Variants in NUCB2 observed in about 807,000 individuals in gnomAD.
The protein encoded by NUCB2 is nucleobindin-2.
In NUCB2, 48 loss-of-function variants were observed where a neutral mutation model predicts 57.9. That is an observed-to-expected ratio of 0.83 (90% CI 0.66 to 1.05). NUCB2 has a LOEUF of 1.05. Among genes scored for constraint, NUCB2 ranks in the 50% least tolerant of loss-of-function variants. The pLI, the probability that NUCB2 is intolerant of heterozygous loss-of-function variation, is 0.00. For synonymous variants in NUCB2, 139 were observed against 152.1 expected (o/e 0.91, Z 0.64); for missense variants, 442 against 476.2 (o/e 0.93, Z 0.67).
At chr11:17,307,215 T>C (rs1420398703) in intron 5 of NUCB2, among the ~76,000 whole-genome samples, 2 of 151,898 alleles carry the variant, frequency 1.3e-5, no homozygotes, top group African/African-American at 4.8e-5. Flanking sequence ...ATTCACGTGG[T>C]TCAAATGTAG....
rs993422045 is a variant in NUCB2, at chr11:17,313,227, G to T, written c.912+1107G>T. Among the ~76,000 whole-genome samples, 10 of 151,910 alleles carry T rather than the reference G, an allele frequency of 6.6e-5. 1 individual carries two copies. The highest frequency in any genetic ancestry group is 4.6e-4 in the Admixed American group (7 of 15,232). ...AAGATAAAGATGCTACTGCATATCAGGTATAAAACTTTTTTTTTTGGGCTG... is the reference window on the plus strand; with the variant it reads ...AAGATAAAGATGCTACTGCATATCATGTATAAAACTTTTTTTTTTGGGCTG... On this transcript the variant is annotated intron_variant, in intron 10 of 13. Transcript: ENST00000529010.
downstream of NUCB2, chr11:17,333,071 T>C (rs557449687): frequency 4.6e-5 from 7 of 152,266 alleles, no homozygotes; most frequent in South Asian, 1.5e-3. Context: ...CACTGATCCA[T>C]AGCAATTTGA....
intron 11 of NUCB2, among the ~76,000 whole-genome samples, chr11:17,326,721 TAAGTC>T (rs2139371543): frequency 6.6e-6 from 1 of 152,312 alleles, no homozygotes; most frequent in Admixed American, 6.5e-5. Flanking sequence ...GTCTTTTACT[TAAGTC>T]AAGAGAAGTT....
Position 17,330,096 on chromosome 11 carries a change from G to A in NUCB2, c.1003-31G>A. On this transcript the variant is annotated intron_variant, in intron 11 of 13. Transcript: ENST00000529010. This position sits in a 1 kb window ranked among gnomAD's most constrained non-coding sequence, Gnocchi z 4.3. ...TCAGACTTTATTGTTGTAGTTTTGA[G>A]ATTATTCTTTCCTCATTTTTTTTCT... 3.3e-6 allele frequency: 4 copies of A among 1,219,152 alleles called. No homozygotes were observed. The highest frequency in any genetic ancestry group is 4.6e-6 in the Non-Finnish European group (4 of 872,302). 75.5% of individuals were successfully genotyped at this position (1,219,152 alleles called of 1,614,324 possible). A position where few individuals can be genotyped will look rare whatever the true frequency, so the allele number is the denominator to read the frequency against.
In NUCB2 at chr11:17,285,921, G is replaced by A. The variant is rs533612193; in HGVS notation, c.-1+2978G>A. 4.9e-5 allele frequency among the ~76,000 whole-genome samples: 7 copies of A among 141,782 alleles called. No individual in the cohort carries two copies. The East Asian group carries it at 6.2e-4, about 13-fold the overall frequency. The allele number at this position is 141,782 out of a possible 152,430, so 93.0% of individuals were successfully genotyped here. A position where few individuals can be genotyped will look rare whatever the true frequency, so the allele number is the denominator to read the frequency against. ...ACAGGAAACCATCACACATACATGC[G>A]CGCACGTGTGCGTACACACACACAC... On this transcript the variant is annotated intron_variant, in intron 2 of 13. Transcript: ENST00000529010.
At chr11:17,343,706 G>A (rs1952482169) in intron 2 of NUCB2, among the ~76,000 whole-genome samples, 2 of 152,048 alleles carry the variant, frequency 1.3e-5, no homozygotes, top group South Asian at 4.1e-4. Flanking sequence ...GTCCTTTAAT[G>A]TTTTAAACAG....
intron 2 of NUCB2, among the ~76,000 whole-genome samples, chr11:17,342,471 C>T (rs546214966): frequency 1.3e-5 from 2 of 151,900 alleles, no homozygotes; most frequent in South Asian, 4.2e-4. Flanking sequence ...TTTCCCTCTA[C>T]ACACTGCTTT....
chr11:17,286,832 T>C (rs1943820336), intron 2 of NUCB2: 2 of 152,226 alleles, frequency 1.3e-5, no homozygotes, highest in South Asian at 2.1e-4. Context: ...TTTGCTGTTA[T>C]TCCTTTAATG....
rs760908908 is a variant in NUCB2, at chr11:17,315,406, AT to A, written c.935del (p.Leu312TrpfsTer2). 1 of 1,608,602 alleles carries A rather than the reference AT, an allele frequency of 6.2e-7. No homozygotes were observed. The highest frequency in any genetic ancestry group is 8.5e-7 in the Non-Finnish European group (1 of 1,175,896). On this transcript the variant is annotated frameshift_variant, in exon 11 of 14. Transcript: ENST00000529010. LOFTEE classifies it high-confidence loss of function. ...MNEVDTNKDR[L>X]VTLEEFLKAT... ...ATCAGGTTGATACTAACAAAGACAG[AT>A]TGGTGACTCTGGAGGAGTTTTTGAA...
chr11:17,315,311 A>G, intron 10 of NUCB2, 75 bp from the exon 11 acceptor site: 1 of 727,138 alleles, frequency 1.4e-6, no homozygotes, highest in Admixed American at 2.7e-5. Flanking sequence ...GGCATCTATT[A>G]CAAGACAGTT....
At chr11:17,332,801 C>T (rs1281364679), downstream of NUCB2, 1 of 152,146 alleles carries the variant, frequency 6.6e-6, no homozygotes, top group East Asian at 1.9e-4. Context: ...CAGCCTTGAA[C>T]TTCTGGGCTC....
intron 2 of NUCB2, among the ~76,000 whole-genome samples, chr11:17,339,408 T>G (rs1952063853): frequency 6.6e-6 from 1 of 152,106 alleles, no homozygotes; most frequent in Non-Finnish European, 1.5e-5. Flanking sequence ...CATGCAGGTT[T>G]GTTACATATG....
At chr11:17,344,332 C>A (rs563067471) in intron 2 of NUCB2, among the ~76,000 whole-genome samples, 4 of 152,280 alleles carry the variant, frequency 2.6e-5, no homozygotes, top group African/African-American at 7.2e-5. Context: ...TACGGAAAGA[C>A]TAGGGTGTTA....
chr11:17,324,605 T>C (rs1260855127), intron 11 of NUCB2, among the ~76,000 whole-genome samples: 2 of 152,006 alleles, frequency 1.3e-5, no homozygotes, highest in African/African-American at 4.8e-5. Context: ...AGCTAACTTC[T>C]GTATTTTTAG....
At chr11:17,299,941 T>G (rs889678143) in intron 4 of NUCB2, among the ~76,000 whole-genome samples, 12 of 152,094 alleles carry the variant, frequency 7.9e-5, no homozygotes, top group African/African-American at 2.9e-4. Context: ...AAATACTTTG[T>G]TGACATATAA....
Position 17,295,338 on chromosome 11 carries a change from C to G in NUCB2, c.15C>G (p.Thr5=), listed in dbSNP as rs963855084. The G allele has an allele frequency of 6.2e-7, 1 of 1,609,902 alleles. No individual in the cohort carries two copies. Among genetic ancestry groups the G allele is most frequent in the African/African-American group, 1.3e-5 (1 of 74,738 alleles). Residue 5 remains threonine, a synonymous_variant, in exon 3 of 14, where the codon ACC becomes ACG. Coordinates refer to ENST00000529010, the MANE Select transcript of NUCB2 (RefSeq NM_005013.4). ...CTTTATTTCAGATGAGGTGGAGGAC[C>G]ATCCTGCTACAGTATTGCTTTCTCT... MRWR[T]ILLQYCFLLI...
intron 2 of NUCB2, among the ~76,000 whole-genome samples, chr11:17,349,147 A>C (rs1953023292): frequency 6.6e-6 from 1 of 152,082 alleles, no homozygotes. Context: ...ACATCACCTA[A>C]CATGTGTACT....
intron 2 of NUCB2, among the ~76,000 whole-genome samples, chr11:17,338,044 A>G (rs552356953): frequency 1.0e-3 from 154 of 152,324 alleles, no homozygotes; most frequent in African/African-American, 3.6e-3. Flanking sequence ...ATTAGTAACC[A>G]TTTCTTTAAA....
intron 1 of NUCB2, 169 bp downstream of exon 1, chr11:17,276,997 C>T (rs945974367): frequency 1.3e-5 from 2 of 152,456 alleles, no homozygotes; most frequent in African/African-American, 4.8e-5. Flanking sequence ...CAGCGCGAGC[C>T]GGAGGCGCTG....
Sources: allele counts gnomAD v4.1 joint callset (sites outside exome capture counted in the v4.1 genomes callset), GRCh38; gene constraint gnomAD v4.1.1; non-coding constraint Gnocchi (gnomAD v3.1); transcripts MANE v1.5; gene names NCBI Gene and HGNC (gene_info 2026-07-23, HGNC 2026-07-21).